Variants in NRXN3 observed in about 807,000 individuals in gnomAD.
NRXN3 encodes neurexin III.
NRXN3 carries 32 observed loss-of-function variants against 137.6 expected under a neutral mutation model. The observed-to-expected ratio is 0.23, with a 90% confidence interval of 0.18 to 0.31. The LOEUF (loss-of-function observed/expected upper bound fraction) is 0.31, where lower values mean the gene tolerates loss of function less well. NRXN3 is among the 10% of genes least tolerant of loss of function. NRXN3 has a pLI of 1.00. For missense variants in NRXN3, 1,574 were observed against 2,062.5 expected, an observed-to-expected ratio of 0.76 and a Z score of 4.59; for synonymous variants, 798 against 784.5, an observed-to-expected ratio of 1.02 and a Z score of -0.29.
intron 16 of NRXN3, among the ~76,000 whole-genome samples, chr14:79,488,352 G>A (rs1163496658): frequency 6.6e-6 from 1 of 152,146 alleles, no homozygotes; most frequent in Non-Finnish European, 1.5e-5. Context: ...AGCTACATAT[G>A]TCTTACTTAT....
chr14:78,317,295 G>C (rs1211127365), intron 4 of NRXN3, among the ~76,000 whole-genome samples: 1 of 152,132 alleles, frequency 6.6e-6, no homozygotes, highest in Admixed American at 6.5e-5. Context: ...ATGACCTGTT[G>C]GGAACCAGGC....
intron 10 of NRXN3, among the ~76,000 whole-genome samples, chr14:78,941,184 C>T (rs991614212): frequency 5.3e-5 from 8 of 152,176 alleles, no homozygotes; most frequent in Admixed American, 3.9e-4. Flanking sequence ...TAGCCAGCAT[C>T]ACCTTAAAAT....
intron 17 of NRXN3, among the ~76,000 whole-genome samples, chr14:79,666,506 C>G (rs540794809): frequency 6.6e-6 from 1 of 152,010 alleles, no homozygotes; most frequent in Non-Finnish European, 1.5e-5. Flanking sequence ...TTTTTATTCT[C>G]CATTTCAAAT....
chr14:78,407,749 C>G (rs1297930024), intron 4 of NRXN3, among the ~76,000 whole-genome samples: 1 of 152,184 alleles, frequency 6.6e-6, no homozygotes, highest in Non-Finnish European at 1.5e-5. Flanking sequence ...CTCAGCCTCT[C>G]TGTGCTGCCT....
chr14:79,102,617 T>C (rs1375045852), intron 15 of NRXN3, among the ~76,000 whole-genome samples: 1 of 152,178 alleles, frequency 6.6e-6, no homozygotes, highest in East Asian at 1.9e-4. Context: ...TGTAAATATA[T>C]TTACCAAGTG....
At chr14:79,304,051 C>T (rs547971926) in intron 15 of NRXN3, among the ~76,000 whole-genome samples, 1 of 152,130 alleles carries the variant, frequency 6.6e-6, no homozygotes, top group East Asian at 1.9e-4. Context: ...CTTTTAAATT[C>T]CTACTCAAGA....
At position 78,616,617 on chromosome 14, in the gene NRXN3, A is replaced by G. The variant is rs201640488; in HGVS notation, c.758-28503A>G. On this transcript the variant is annotated intron_variant, in intron 4 of 20. Transcript: ENST00000335750. Reference sequence around the variant, plus strand: ...CAAGCCCTATGCAGCTTTGTTCACCAGTGAATATTCACACATAGCTCTCTG... The same window carrying G: ...CAAGCCCTATGCAGCTTTGTTCACCGGTGAATATTCACACATAGCTCTCTG... Among the ~76,000 whole-genome samples, 10 of 152,356 alleles carry G rather than the reference A, an allele frequency of 6.6e-5. No individual in the cohort carries two copies. In the East Asian group the frequency reaches 1.9e-3, roughly 29 times the overall value.
At position 79,332,439 on chromosome 14, in the gene NRXN3, T is replaced by A. The variant is rs189140314; in HGVS notation, c.3263-134782T>A. Among the ~76,000 whole-genome samples, 18 of 152,338 alleles carry A rather than the reference T, an allele frequency of 1.2e-4. No individual in the cohort carries two copies. The East Asian group carries it at 3.5e-3, about 29-fold the overall frequency. On this transcript the variant is annotated intron_variant, in intron 15 of 20. Coordinates refer to ENST00000335750, the MANE Select transcript of NRXN3 (RefSeq NM_001330195.2). ...GCAATACGTCCTGCGCTGTCGAGCT[T>A]ACGCACCTTTCTGTGTGCTGTTTCC...
rs1566902912 is a variant in NRXN3, at chr14:79,358,631, A to AAGAAAGAAAGAAAGAAAGAAAGAG, written c.3263-108567_3263-108566insGAGAAAGAAAGAAAGAAAGAAAGA. On this transcript the variant is annotated intron_variant, in intron 15 of 20. Coordinates refer to ENST00000335750, the MANE Select transcript of NRXN3 (RefSeq NM_001330195.2). ...AGAGAAAGAAAGAAAGAAAGAAAGAAAGAAAGAAAGAAAGAAAGAAAGAAA... is the reference window on the plus strand; with the variant it reads ...AGAGAAAGAAAGAAAGAAAGAAAGAAAGAAAGAAAGAAAGAAAGAAAGAGAGAAAGAAAGAAAGAAAGAAAGAAA... Among the ~76,000 whole-genome samples, 3 of 149,680 alleles carry AAGAAAGAAAGAAAGAAAGAAAGAG rather than the reference A, an allele frequency of 2.0e-5. No homozygotes were observed. The East Asian group carries it at 6.0e-4, about 30-fold the overall frequency.
At chr14:79,247,359 A>T (rs575872312) in intron 15 of NRXN3, 1 of 152,258 alleles carries the variant, frequency 6.6e-6, no homozygotes, top group South Asian at 2.1e-4. Flanking sequence ...TAAATCAAGA[A>T]GAGGTTAAGT....
intron 4 of NRXN3, among the ~76,000 whole-genome samples, chr14:78,331,177 C>G (rs1224470421): frequency 6.6e-6 from 1 of 152,124 alleles, no homozygotes; most frequent in Non-Finnish European, 1.5e-5. Flanking sequence ...ACTTTTAGAG[C>G]TGATACTCTA....
At chr14:78,551,803 G>A (rs2096693414) in intron 4 of NRXN3, among the ~76,000 whole-genome samples, 2 of 150,480 alleles carry the variant, frequency 1.3e-5, no homozygotes, top group African/African-American at 4.9e-5. Flanking sequence ...CCTCCCTGGA[G>A]TTCTCCCTTT....
chr14:79,181,681 C>CAAAAA, intron 15 of NRXN3, among the ~76,000 whole-genome samples: 1 of 97,526 alleles, frequency 1.0e-5, no homozygotes, highest in Admixed American at 1.2e-4. Context: ...GACCCTGTCT[C>CAAAAA]AAAAAAAAAA....
intron 6 of NRXN3, among the ~76,000 whole-genome samples, chr14:78,662,280 C>T (rs749354583): frequency 1.3e-5 from 2 of 151,240 alleles, no homozygotes; most frequent in African/African-American, 2.4e-5. Flanking sequence ...ATCCTAACAA[C>T]GTTAAGAAGG....
At chr14:79,050,935 T>A (rs2099640931) in intron 15 of NRXN3, among the ~76,000 whole-genome samples, 1 of 152,332 alleles carries the variant, frequency 6.6e-6, no homozygotes, top group African/African-American at 2.4e-5. Flanking sequence ...TAATAATAGC[T>A]TACAGTAATA....
intron 15 of NRXN3, among the ~76,000 whole-genome samples, chr14:79,118,723 TTGA>T (rs1417288284): frequency 6.6e-6 from 1 of 152,064 alleles, no homozygotes; most frequent in Admixed American, 6.6e-5. Context: ...TTTATTTTCC[TTGA>T]TGAATAGTGG....
chr14:79,449,990 C>CAAAA (rs66658022), intron 15 of NRXN3, among the ~76,000 whole-genome samples: 1 of 40,774 alleles, frequency 2.5e-5, no homozygotes, highest in Non-Finnish European at 4.6e-5. Context: ...AACTCCATCT[C>CAAAA]AAAAAAAAAA....
At chr14:79,045,256 C>A (rs542150665) in intron 15 of NRXN3, among the ~76,000 whole-genome samples, 1 of 152,264 alleles carries the variant, frequency 6.6e-6, no homozygotes, top group South Asian at 2.1e-4. Flanking sequence ...TCCTACTGCT[C>A]CCCATTCAGC....
intron 4 of NRXN3, among the ~76,000 whole-genome samples, chr14:78,302,441 A>G (rs547343186): frequency 6.6e-6 from 1 of 152,280 alleles, no homozygotes; most frequent in South Asian, 2.1e-4. Flanking sequence ...TCAGAGTCAG[A>G]TAACATAAGC....
Sources: gnomAD v4.1 joint callset for allele counts (sites outside exome capture counted in the v4.1 genomes callset) on GRCh38, gnomAD v4.1.1 for gene constraint, MANE v1.5 for transcripts, NCBI Gene and HGNC (gene_info 2026-07-23, HGNC 2026-07-21) for gene names.